The following KALRN variants were observed in gnomAD, a reference collection of about 807,000 sequenced individuals.
KALRN encodes kalirin.
Under a neutral mutation model 353.7 loss-of-function variants are expected in KALRN, and 70 were observed. The observed-to-expected ratio is 0.20, with a 90% CI of 0.16 to 0.24. The LOEUF is 0.24. Among genes scored for constraint, KALRN ranks in the 10% least tolerant of loss-of-function variants. The pLI is 1.00. For synonymous variants in KALRN, 1,391 were observed against 1,434.8 expected (o/e 0.97, Z 0.69); for missense variants, 2,791 against 3,756.7 (o/e 0.74, Z 6.72).
chr3:124,616,792 C>T lies in KALRN; in HGVS notation c.5183-15628C>T, dbSNP rs1033318165. 5.3e-5 allele frequency among the ~76,000 whole-genome samples: 8 copies of T among 151,722 alleles called. No homozygotes were observed. In the South Asian group the frequency reaches 6.3e-4, roughly 12 times the overall value. On this transcript the variant is annotated intron_variant, in intron 34 of 59. Transcript: ENST00000682506. ...CATCCTGGCTAACACGGTGAAACCC[C>T]GTCTCTACTAAAAATACAAAAAATT...
rs1230520654 is a variant in KALRN at position 124,393,953 on chromosome 3, A to G, written c.1963-1182A>G. 1.3e-5 allele frequency among the ~76,000 whole-genome samples: 2 copies of G among 152,240 alleles called. 1 individual carries two copies. Among genetic ancestry groups the G allele is most frequent in the Non-Finnish European group, 2.9e-5 (2 of 68,052 alleles). ...TTAATCTTCCCTTATTGAAAAGGCC[A>G]TATTGTAATTTACCATACTGAGAAC... is the stretch of plus-strand genomic sequence containing the variant. On this transcript the variant is annotated intron_variant, in intron 11 of 59. Coordinates refer to ENST00000682506, the MANE Select transcript of KALRN (RefSeq NM_001388419.1).
intron 3 of KALRN, among the ~76,000 whole-genome samples, chr3:124,238,868 G>A (rs1230229887): frequency 6.6e-6 from 1 of 152,134 alleles, no homozygotes; most frequent in Non-Finnish European, 1.5e-5. Context: ...ATGAGTTTGG[G>A]CATCTATCTC....
intron 1 of KALRN, among the ~76,000 whole-genome samples, chr3:124,203,002 G>C (rs937877816): frequency 2.0e-5 from 3 of 152,116 alleles, no homozygotes; most frequent in Admixed American, 1.3e-4. Flanking sequence ...TGACAGTTCT[G>C]GTGGTTGCTC....
chr3:124,329,634 A>T (rs899915144), intron 7 of KALRN, among the ~76,000 whole-genome samples: 24 of 152,128 alleles, frequency 1.6e-4, no homozygotes, highest in African/African-American at 5.3e-4. Context: ...CAGTTTCATA[A>T]TAGTCAATTT....
At chr3:124,301,581 A>G (rs1037889657) in intron 6 of KALRN, among the ~76,000 whole-genome samples, 2 of 152,170 alleles carry the variant, frequency 1.3e-5, no homozygotes, top group Non-Finnish European at 2.9e-5. Context: ...CCTTTGTTAA[A>G]TGGGAGGTTT....
intron 37 of KALRN, among the ~76,000 whole-genome samples, chr3:124,643,491 G>A (rs924274859): frequency 6.6e-6 from 1 of 152,020 alleles, no homozygotes; most frequent in Non-Finnish European, 1.5e-5. Context: ...GTTGTTGTTC[G>A]GTTTTTTTGA....
intron 38 of KALRN, among the ~76,000 whole-genome samples, chr3:124,652,551 T>TG (rs2083527054): frequency 6.6e-6 from 1 of 152,188 alleles, no homozygotes; most frequent in African/African-American, 2.4e-5. Flanking sequence ...ACCTCTGAGG[T>TG]GGCAGGTGAC....
At chr3:124,171,548 T>C (rs192882810) in intron 1 of KALRN, among the ~76,000 whole-genome samples, 9 of 152,250 alleles carry the variant, frequency 5.9e-5, no homozygotes, top group Admixed American at 5.9e-4. Context: ...TCTTCTGCTC[T>C]ACTGGATTGG....
At chr3:124,497,397 A>G (rs2063978078) in intron 33 of KALRN, among the ~76,000 whole-genome samples, 1 of 152,158 alleles carries the variant, frequency 6.6e-6, no homozygotes, top group Non-Finnish European at 1.5e-5. Flanking sequence ...TCTAAGTTAT[A>G]GGTATTTCTT....
chr3:124,313,091 T>G (rs982849939), intron 6 of KALRN, among the ~76,000 whole-genome samples: 1 of 152,064 alleles, frequency 6.6e-6, no homozygotes, highest in African/African-American at 2.4e-5. Flanking sequence ...CAACCACCAA[T>G]TAGAAGGTGA....
In KALRN at chr3:124,632,467, G is replaced by A. The variant is rs781614121; in HGVS notation, c.5230G>A (p.Val1744Met). Reference protein sequence around the residue: ...SSENGGKSESVANLQAQPSLN... With the variant: ...SSENGGKSESMANLQAQPSLN... ...CGAGAATGGAGGCAAGTCCGAGTCC[G>A]TGGCCAACCTGCAGGCCCAGCCCTC... Residue 1744 changes from valine to methionine, a missense_variant, in exon 35 of 60, where the codon GTG (valine) becomes ATG (methionine). Physicochemically the swap from Val to Met is conservative, Grantham distance 21. Coordinates refer to ENST00000682506, the MANE Select transcript of KALRN (RefSeq NM_001388419.1). The A allele has an allele frequency of 3.0e-5, 49 of 1,613,790 alleles. No individual in the cohort carries two copies. Among genetic ancestry groups the A allele is most frequent in the South Asian group, 1.3e-4 (12 of 91,060 alleles).
At chr3:124,656,843 G>A (rs902050058) in intron 39 of KALRN, among the ~76,000 whole-genome samples, 1 of 152,074 alleles carries the variant, frequency 6.6e-6, no homozygotes, top group Admixed American at 6.6e-5. Flanking sequence ...TGGGGCTGGG[G>A]GGTGGAAGAG....
At position 124,368,554 on chromosome 3, in the gene KALRN, C is replaced by T. The variant is rs1216760603; in HGVS notation, c.1771-16291C>T. Among the ~76,000 whole-genome samples, 181 of 149,434 alleles carry T rather than the reference C, an allele frequency of 1.2e-3. 1 individual carries two copies. Among genetic ancestry groups the T allele is most frequent in the African/African-American group, 4.4e-3 (178 of 40,550 alleles). ...CTTCCTAGATGGGATGGCGGCCGGGCGGAGACGCTCCTCACTTTCCAGACT... is the reference window on the plus strand; with the variant it reads ...CTTCCTAGATGGGATGGCGGCCGGGTGGAGACGCTCCTCACTTTCCAGACT... On this transcript the variant is annotated intron_variant, in intron 10 of 59. Coordinates refer to ENST00000682506, the MANE Select transcript of KALRN (RefSeq NM_001388419.1).
chr3:124,440,920 C>T (rs2093647243), intron 18 of KALRN, among the ~76,000 whole-genome samples: 3 of 151,798 alleles, frequency 2.0e-5, no homozygotes, highest in Admixed American at 2.0e-4. Context: ...TTCCTGGCTC[C>T]TGCCCTTTCT....
intron 1 of KALRN, among the ~76,000 whole-genome samples, chr3:124,081,111 G>A (rs2060519523): frequency 6.6e-6 from 1 of 152,132 alleles, no homozygotes; most frequent in East Asian, 1.9e-4. Flanking sequence ...ATTTGTAAAA[G>A]GCTTAGCAGA....
At chr3:124,121,555 T>C (rs1010477703) in intron 1 of KALRN, among the ~76,000 whole-genome samples, 1 of 152,226 alleles carries the variant, frequency 6.6e-6, no homozygotes, top group South Asian at 2.1e-4. Context: ...AAGTCACCCA[T>C]GAGCACTCAG....
At chr3:124,371,051 C>T (rs2149793873) in intron 10 of KALRN, among the ~76,000 whole-genome samples, 1 of 152,310 alleles carries the variant, frequency 6.6e-6, no homozygotes, top group East Asian at 1.9e-4. Context: ...ACCATTCTTC[C>T]ACCCAAGCTT....
intron 14 of KALRN, among the ~76,000 whole-genome samples, chr3:124,417,580 C>T (rs1378140500): frequency 6.6e-6 from 1 of 152,212 alleles, no homozygotes; most frequent in African/African-American, 2.4e-5. Context: ...AAGAACCCAA[C>T]CCCAACGTTT....
intron 1 of KALRN, among the ~76,000 whole-genome samples, chr3:124,145,821 G>T (rs1371156273): frequency 6.6e-6 from 1 of 152,160 alleles, no homozygotes; most frequent in Non-Finnish European, 1.5e-5. Flanking sequence ...ACTATATCTG[G>T]TACGTTTCAG....
Sources: allele counts gnomAD v4.1 joint callset (sites outside exome capture counted in the v4.1 genomes callset), GRCh38; gene constraint gnomAD v4.1.1; transcripts MANE v1.5; gene names NCBI Gene and HGNC (gene_info 2026-07-23, HGNC 2026-07-21).